Variants in PLXNA4 observed in about 807,000 individuals in gnomAD.
PLXNA4 encodes plexin-A4.
PLXNA4 carries 44 observed loss-of-function variants against 191.8 expected under a neutral mutation model. The observed-to-expected ratio is 0.23, with a 90% CI of 0.18 to 0.29. The LOEUF is 0.29. Among genes scored for constraint, PLXNA4 ranks in the 10% least tolerant of loss-of-function variants. The probability of loss-of-function intolerance (pLI) is 1.00; values close to 1 mark genes in which losing one functional copy is unlikely to be tolerated. For missense variants in PLXNA4, 1,800 were observed against 2,488.8 expected, an observed-to-expected ratio of 0.72 and a Z score of 5.89; for synonymous variants, 1,082 against 1,009.5, an observed-to-expected ratio of 1.07 and a Z score of -1.36.
At chr7:132,204,418 G>A (rs570795767) in intron 10 of PLXNA4, among the ~76,000 whole-genome samples, 9 of 152,310 alleles carry the variant, frequency 5.9e-5, no homozygotes, top group East Asian at 1.9e-4. Flanking sequence ...GACTCTGCTC[G>A]CCACAAGGGG....
At position 132,129,705 on chromosome 7, in the gene PLXNA4, G is replaced by A. The variant is rs1794872058; in HGVS notation, c.*774C>T. The A allele has an allele frequency of 6.6e-6, 1 of 152,644 alleles. No individual in the cohort carries two copies. The highest frequency in any genetic ancestry group is 6.5e-5 in the Admixed American group (1 of 15,288). 9.5% of individuals were successfully genotyped at this position (152,644 alleles called of 1,614,324 possible). ...TCTGCTACTAGGATTCAGATGAAAAGGTCAGGAGCATCTCCATGGTGGAAT... is the reference window on the plus strand; with the variant it reads ...TCTGCTACTAGGATTCAGATGAAAAAGTCAGGAGCATCTCCATGGTGGAAT... On this transcript the variant is annotated 3_prime_UTR_variant, in exon 32 of 32. Coordinates refer to ENST00000321063, the MANE Select transcript of PLXNA4 (RefSeq NM_020911.2).
chr7:132,635,188 A>ATG (rs1167192525), intron 2 of PLXNA4, among the ~76,000 whole-genome samples: 1 of 147,880 alleles, frequency 6.8e-6, no homozygotes, highest in Non-Finnish European at 1.5e-5. Context: ...ATATATATAT[A>ATG]TATATATATA....
chr7:132,160,435 A>G (rs901190520), intron 24 of PLXNA4, among the ~76,000 whole-genome samples: 3 of 152,114 alleles, frequency 2.0e-5, no homozygotes, highest in African/African-American at 7.2e-5. Context: ...TTCCTTTAAA[A>G]AGTTCTGGGC....
At chr7:132,340,507 A>T (rs950498022) in intron 3 of PLXNA4, among the ~76,000 whole-genome samples, 1 of 152,218 alleles carries the variant, frequency 6.6e-6, no homozygotes, top group Non-Finnish European at 1.5e-5. Flanking sequence ...CCCTGTCCCC[A>T]CTGAAGAGTG....
intron 14 of PLXNA4, among the ~76,000 whole-genome samples, chr7:132,189,439 G>A (rs955867698): frequency 6.6e-6 from 1 of 152,162 alleles, no homozygotes; most frequent in African/African-American, 2.4e-5. Flanking sequence ...GAGACCTTTA[G>A]GAACAGCTAG....
intron 5 of PLXNA4, among the ~76,000 whole-genome samples, chr7:132,230,078 T>TA (rs1798472917): frequency 1.3e-5 from 2 of 152,090 alleles, no homozygotes; most frequent in South Asian, 4.2e-4. Context: ...AATGCGAAAG[T>TA]AAAAAACACC....
intron 10 of PLXNA4, among the ~76,000 whole-genome samples, chr7:132,209,206 T>C (rs927614909): frequency 1.3e-5 from 2 of 152,226 alleles, no homozygotes; most frequent in Admixed American, 6.5e-5. Flanking sequence ...ATGACACTAG[T>C]GTCCCTCTCT....
chr7:132,390,546 C>T (rs1805362642), intron 3 of PLXNA4, among the ~76,000 whole-genome samples: 1 of 152,042 alleles, frequency 6.6e-6, no homozygotes, highest in East Asian at 1.9e-4. Flanking sequence ...GCATATATAC[C>T]CCAGAACTTA....
chr7:132,410,647 C>T (rs1166624874), intron 3 of PLXNA4, among the ~76,000 whole-genome samples: 4 of 152,196 alleles, frequency 2.6e-5, no homozygotes, highest in Admixed American at 6.5e-5. Context: ...ATAAAGGTTT[C>T]GTCTGTCTAG....
intron 1 of PLXNA4, among the ~76,000 whole-genome samples, chr7:132,562,839 TTCTCTTC>T (rs1801303891): frequency 1.3e-5 from 1 of 74,312 alleles, no homozygotes; most frequent in Admixed American, 1.4e-4. Flanking sequence ...CTCCTCCTCC[TTCTCTTC>T]CTTTCTCCTC....
chr7:132,365,799 A>T (rs1804155574), intron 3 of PLXNA4: 2 of 152,210 alleles, frequency 1.3e-5, no homozygotes, highest in Admixed American at 1.3e-4. Flanking sequence ...TTAAAAAGTG[A>T]GCTAGCAAAG....
chr7:132,583,021 G>A (rs769867911), intron 2 of PLXNA4, among the ~76,000 whole-genome samples: 3 of 152,162 alleles, frequency 2.0e-5, no homozygotes, highest in Non-Finnish European at 4.4e-5. Context: ...ACCCAATGAA[G>A]AGGCTTGAAA....
chr7:132,399,403 A>G lies in PLXNA4; in HGVS notation c.1371+89889T>C, dbSNP rs537434307. On this transcript the variant is annotated intron_variant, in intron 3 of 31. Coordinates refer to ENST00000321063, the MANE Select transcript of PLXNA4 (RefSeq NM_020911.2). ...CCAAGCACTGTTCCACGCTCTTTAT[A>G]TGTGCTGGCTTATTTAGTAAATGTG... 9.8e-5 allele frequency among the ~76,000 whole-genome samples: 15 copies of G among 152,342 alleles called. No homozygotes were observed. The South Asian group carries it at 3.1e-3, about 32-fold the overall frequency.
intron 4 of PLXNA4, among the ~76,000 whole-genome samples, chr7:132,290,844 C>T (rs1031769561): frequency 2.0e-5 from 3 of 152,174 alleles, no homozygotes; most frequent in African/African-American, 7.2e-5. Flanking sequence ...GCATTTGCTG[C>T]AAGAGCTCAC....
intron 3 of PLXNA4, among the ~76,000 whole-genome samples, chr7:132,473,616 A>G (rs908895868): frequency 3.9e-5 from 6 of 152,232 alleles, no homozygotes; most frequent in African/African-American, 1.4e-4. Flanking sequence ...AGTGGTTCGT[A>G]TCACACTGCT....
At chr7:132,478,518 G>A (rs1472948836) in intron 3 of PLXNA4, among the ~76,000 whole-genome samples, 5 of 152,210 alleles carry the variant, frequency 3.3e-5, no homozygotes, top group Non-Finnish European at 7.3e-5. Context: ...ATGTTGGTCT[G>A]TTGCAGAAAG....
chr7:132,616,273 A>T (rs907275092), intron 2 of PLXNA4, among the ~76,000 whole-genome samples: 3 of 152,166 alleles, frequency 2.0e-5, no homozygotes, highest in Non-Finnish European at 4.4e-5. Flanking sequence ...GAGAAAATGT[A>T]TTCAGCTTCC....
At chr7:132,311,452 T>C (rs1801739023) in intron 3 of PLXNA4, among the ~76,000 whole-genome samples, 2 of 152,188 alleles carry the variant, frequency 1.3e-5, no homozygotes, top group Admixed American at 1.3e-4. Context: ...TACATGTTAT[T>C]CATCTTACCC....
In PLXNA4 at chr7:132,181,639, AG is replaced by A. The variant is rs1362116601; in HGVS notation, c.3253-20del. ...CACAGATCTGTGGGAGGAGCCACAG[AG>A]TGGAGTCTATGCAGTATCTCCACAT... On this transcript the variant is annotated intron_variant, in intron 17 of 31. Transcript: ENST00000321063. 6.2e-7 allele frequency: 1 copy of A among 1,613,178 alleles called. No homozygotes were observed. The highest frequency in any genetic ancestry group is 8.5e-7 in the Non-Finnish European group (1 of 1,179,424).
Sources: allele counts gnomAD v4.1 joint callset (sites outside exome capture counted in the v4.1 genomes callset), GRCh38; gene constraint gnomAD v4.1.1; transcripts MANE v1.5; gene names NCBI Gene and HGNC (gene_info 2026-07-23, HGNC 2026-07-21).